PUDP: variants seen among roughly 807,000 people sequenced by gnomAD.
PUDP encodes pseudouridine 5'-phosphatase, also known as pseudouridine-5'-phosphatase.
Under a neutral mutation model 9.4 loss-of-function variants are expected in PUDP, and 8 were observed. The observed-to-expected ratio is 0.85, with a 90% CI of 0.50 to 1.53. PUDP has a LOEUF of 1.53. Ranked by LOEUF, PUDP falls within the 40% of genes most tolerant of loss-of-function variation. The pLI, the probability that PUDP is intolerant of heterozygous loss-of-function variation, is 0.00. For missense variants in PUDP, 188 were observed against 189.7 expected (o/e 0.99, Z 0.05); for synonymous variants, 99 against 80.7 (o/e 1.23, Z -1.22).
intron 3 of PUDP, among the ~76,000 whole-genome samples, chrX:6,794,853 C>A (rs747620590): frequency 2.7e-5 from 3 of 109,634 alleles, no homozygotes; most frequent in Non-Finnish European, 5.7e-5. Flanking sequence ...GCCACCACAC[C>A]CGACCTCTTT....
At chrX:7,124,036 T>G (rs760474967) in intron 1 of PUDP, among the ~76,000 whole-genome samples, 1 of 112,232 alleles carries the variant, frequency 8.9e-6, no homozygotes, top group Non-Finnish European at 1.9e-5. Context: ...TTACACACTG[T>G]AAACCATTAA....
At chrX:7,071,480 T>A (rs903265329) in intron 3 of PUDP, among the ~76,000 whole-genome samples, 1 of 111,121 alleles carries the variant, frequency 9.0e-6, no homozygotes, top group African/African-American at 3.3e-5. Flanking sequence ...GTTTCCAAAG[T>A]CCTCACGATT....
At chrX:7,139,227 G>T (rs1270523456) in intron 1 of PUDP, among the ~76,000 whole-genome samples, 1 of 112,262 alleles carries the variant, frequency 8.9e-6, no homozygotes, top group African/African-American at 3.2e-5. Flanking sequence ...ACCCAGCAGA[G>T]TATTTTCTAA....
At chrX:6,893,210 G>A (rs1247027417) in intron 3 of PUDP, among the ~76,000 whole-genome samples, 1 of 111,950 alleles carries the variant, frequency 8.9e-6, no homozygotes, top group African/African-American at 3.2e-5. Context: ...CACAAAATGT[G>A]ATCCAAGTCA....
intron 3 of PUDP, among the ~76,000 whole-genome samples, chrX:6,785,743 T>C (rs1181764241): frequency 9.0e-6 from 1 of 111,657 alleles, no homozygotes; most frequent in East Asian, 2.8e-4. Flanking sequence ...TCTCTATCCC[T>C]ATCACCACTA....
chrX:6,981,972 TACAG>T (rs1398230556), intron 1 of PUDP, among the ~76,000 whole-genome samples: 2 of 103,105 alleles, frequency 1.9e-5, no homozygotes, highest in Non-Finnish European at 4.0e-5. Flanking sequence ...AATGAGGACT[TACAG>T]ACACACACAC....
At chrX:7,146,811 AG>A (rs1427933668) in intron 1 of PUDP, among the ~76,000 whole-genome samples, 1 of 103,010 alleles carries the variant, frequency 9.7e-6, no homozygotes, top group African/African-American at 3.6e-5. Context: ...TTGGGCAAGT[AG>A]CTTTACCTCT....
At chrX:6,761,311 A>G (rs1925226258) in intron 3 of PUDP, among the ~76,000 whole-genome samples, 2 of 112,273 alleles carry the variant, frequency 1.8e-5, no homozygotes, top group African/African-American at 6.5e-5. Context: ...GGTTTTCATG[A>G]CAAGGAATGT....
At chrX:6,988,006 G>A (rs1440413075) in intron 1 of PUDP, among the ~76,000 whole-genome samples, 1 of 111,755 alleles carries the variant, frequency 8.9e-6, no homozygotes, top group Non-Finnish European at 1.9e-5. Flanking sequence ...CCAACATTCT[G>A]ATTTCAAAGT....
intron 3 of PUDP, among the ~76,000 whole-genome samples, chrX:7,058,175 C>T (rs918809191): frequency 4.5e-5 from 5 of 112,078 alleles, no homozygotes; most frequent in African/African-American, 1.6e-4. Flanking sequence ...GATCACATTT[C>T]GTAACCGATT....
At chrX:7,063,581 C>T (rs1783655502) in intron 3 of PUDP, among the ~76,000 whole-genome samples, 1 of 111,295 alleles carries the variant, frequency 9.0e-6, no homozygotes, top group African/African-American at 3.3e-5. Context: ...TAAAGTCTCC[C>T]CTTTCATTCT....
chrX:6,854,008 C>T (rs1886357508), intron 3 of PUDP, among the ~76,000 whole-genome samples: 1 of 111,438 alleles, frequency 9.0e-6, no homozygotes, highest in African/African-American at 3.3e-5. Flanking sequence ...AAGTGATCTG[C>T]CCATCTCAGC....
chrX:6,940,500 G>C (rs1425911474), intron 3 of PUDP, among the ~76,000 whole-genome samples: 1 of 112,034 alleles, frequency 8.9e-6, no homozygotes, highest in Non-Finnish European at 1.9e-5. Flanking sequence ...GCAATTAGAA[G>C]CACTCACTCC....
intron 1 of PUDP, among the ~76,000 whole-genome samples, chrX:7,015,515 T>C (rs1021084914): frequency 9.0e-6 from 1 of 111,590 alleles, no homozygotes; most frequent in Non-Finnish European, 1.9e-5. Context: ...AATAACCAAC[T>C]TTCTGGAACG....
intron 1 of PUDP, among the ~76,000 whole-genome samples, chrX:6,984,093 TG>T (rs1569135282): frequency 8.9e-6 from 1 of 112,507 alleles, no homozygotes; most frequent in East Asian, 2.8e-4. Flanking sequence ...AATAAGATGA[TG>T]TCAGCTAGGT....
intron 1 of PUDP, among the ~76,000 whole-genome samples, chrX:7,143,829 A>G (rs1246215256): frequency 8.9e-6 from 1 of 111,948 alleles, no homozygotes; most frequent in Non-Finnish European, 1.9e-5. Flanking sequence ...CCCCTGAGAT[A>G]AGGGTTCATC....
Position 6,807,638 on chromosome X carries a change from C to T in PUDP, c.*248-101172G>A, listed in dbSNP as rs1477739127. Reference sequence around the variant, plus strand: ...GACCTGGCTTGCCGTCGGAGGGTGGCGATGAAGACAGCACATGATGTCTCT... The same window carrying T: ...GACCTGGCTTGCCGTCGGAGGGTGGTGATGAAGACAGCACATGATGTCTCT... On this transcript the variant is annotated intron_variant and NMD_transcript_variant, in intron 3 of 3. Coordinates refer to the PUDP transcript ENST00000655425. Among the ~76,000 whole-genome samples the T allele has an allele frequency of 4.5e-5, 5 of 111,765 alleles. No homozygotes were observed. In the South Asian group the frequency reaches 1.1e-3, roughly 25 times the overall value.
intron 3 of PUDP, among the ~76,000 whole-genome samples, chrX:6,813,283 A>G (rs766881616): frequency 7.2e-5 from 8 of 111,848 alleles, no homozygotes; most frequent in Non-Finnish European, 1.3e-4. Context: ...ACAAATAAAC[A>G]TAAACACAAA....
At chrX:6,836,259 T>C (rs1393252213) in intron 3 of PUDP, among the ~76,000 whole-genome samples, 1 of 111,740 alleles carries the variant, frequency 8.9e-6, no homozygotes, top group African/African-American at 3.3e-5. Flanking sequence ...CCCAGTTCAC[T>C]GCCTTAATTT....
Sources: allele counts gnomAD v4.1 joint callset (sites outside exome capture counted in the v4.1 genomes callset), GRCh38; gene constraint gnomAD v4.1.1; transcripts MANE v1.5; gene names NCBI Gene and HGNC (gene_info 2026-07-23, HGNC 2026-07-21).